The following MCTP1 variants were observed in gnomAD, a reference collection of about 807,000 sequenced individuals.
MCTP1 encodes the protein multiple C2 and transmembrane domain containing 1.
A neutral mutation model predicts 120.6 loss-of-function variants in MCTP1; 69 were observed. The ratio of observed to expected loss-of-function variants is 0.57; its 90% confidence interval spans 0.47 to 0.70. The LOEUF is 0.70. Ranked by LOEUF, MCTP1 falls within the 30% of genes least tolerant of loss-of-function variation. MCTP1 has a pLI of 0.00. For missense variants in MCTP1, 1,203 were observed against 1,248.8 expected, an observed-to-expected ratio of 0.96 and a Z score of 0.55; for synonymous variants, 529 against 493.1, an observed-to-expected ratio of 1.07 and a Z score of -0.96.
chr5:94,752,790 A>G (rs1014873135), intron 19 of MCTP1, among the ~76,000 whole-genome samples: 6 of 152,248 alleles, frequency 3.9e-5, no homozygotes, highest in Non-Finnish European at 8.8e-5. Flanking sequence ...CATAGTACTT[A>G]TCATCCAAAC....
intron 1 of MCTP1, among the ~76,000 whole-genome samples, chr5:95,105,078 TGC>T (rs1756991630): frequency 6.6e-6 from 1 of 152,186 alleles, no homozygotes; most frequent in African/African-American, 2.4e-5. Flanking sequence ...ATCCATAGCA[TGC>T]TGTATATATT....
At chr5:94,849,961 GAAGT>G (rs1242827105) in intron 17 of MCTP1, among the ~76,000 whole-genome samples, 3 of 152,136 alleles carry the variant, frequency 2.0e-5, no homozygotes, top group Non-Finnish European at 4.4e-5. Flanking sequence ...ATTCTTCACA[GAAGT>G]AAGATTAAAT....
At chr5:95,237,224 T>C (rs1755644012) in intron 1 of MCTP1, among the ~76,000 whole-genome samples, 1 of 152,144 alleles carries the variant, frequency 6.6e-6, no homozygotes, top group Admixed American at 6.6e-5. Flanking sequence ...TAGTGTGTGC[T>C]ACTACTCAGC....
chr5:94,843,447 G>A (rs972497615), intron 17 of MCTP1, among the ~76,000 whole-genome samples: 2 of 152,184 alleles, frequency 1.3e-5, no homozygotes, highest in African/African-American at 2.4e-5. Context: ...TAGGCGATTT[G>A]TCTGCTAACT....
chr5:95,123,158 G>A (rs1285294602), intron 1 of MCTP1, among the ~76,000 whole-genome samples: 2 of 152,122 alleles, frequency 1.3e-5, no homozygotes, highest in Admixed American at 6.5e-5. Flanking sequence ...AATGCTTGAG[G>A]TGATGAATAC....
chr5:94,710,193 G>A (rs1756353994), intron 21 of MCTP1: 1 of 152,102 alleles, frequency 6.6e-6, no homozygotes. Flanking sequence ...TGCTGCAACT[G>A]ACAGTCTCCT....
chr5:94,889,102 T>C (rs959898906), intron 11 of MCTP1, 130 bp from the exon 12 acceptor site: 17 of 564,604 alleles, frequency 3.0e-5, no homozygotes. Context: ...TTAAACTAAC[T>C]AATTTTTTTT....
At chr5:95,106,564 G>T (rs1030121773) in intron 1 of MCTP1, among the ~76,000 whole-genome samples, 1 of 152,160 alleles carries the variant, frequency 6.6e-6, no homozygotes, top group Non-Finnish European at 1.5e-5. Flanking sequence ...GGTTTGTACT[G>T]GTCATTCTAT....
At chr5:94,972,819 T>A (rs1339886561) in intron 2 of MCTP1, among the ~76,000 whole-genome samples, 2 of 152,090 alleles carry the variant, frequency 1.3e-5, no homozygotes, top group African/African-American at 4.8e-5. Flanking sequence ...GTGAGTCCCA[T>A]TCAATTCAGT....
intron 17 of MCTP1, among the ~76,000 whole-genome samples, chr5:94,858,833 A>C (rs999241077): frequency 1.3e-5 from 2 of 151,680 alleles, no homozygotes; most frequent in African/African-American, 4.8e-5. Flanking sequence ...AGGAAGGTGC[A>C]CTATCCTGAA....
intron 1 of MCTP1, among the ~76,000 whole-genome samples, chr5:95,209,163 G>T (rs978733686): frequency 6.6e-6 from 1 of 152,128 alleles, no homozygotes; most frequent in African/African-American, 2.4e-5. Context: ...CAACATTCTT[G>T]ACTTTGGCTA....
intron 19 of MCTP1, among the ~76,000 whole-genome samples, chr5:94,719,397 T>A (rs927254167): frequency 3.3e-5 from 5 of 152,134 alleles, no homozygotes; most frequent in Non-Finnish European, 7.4e-5. Flanking sequence ...AGCAAAGACA[T>A]GGAATCAACC....
rs141468180 is a variant in MCTP1, at chr5:95,267,161, C to T, written c.720+16695G>A. 3.7e-3 allele frequency among the ~76,000 whole-genome samples: 562 copies of T among 152,300 alleles called. 4 individuals are homozygous for T. In the South Asian group the frequency reaches 0.037, roughly 10 times the overall value. ...TTTACCATGCTTTAGATCTGTTCAA[C>T]GGAAAGTCTTCCTAATTAACCCATG... is the stretch of plus-strand genomic sequence containing the variant. On this transcript the variant is annotated intron_variant, in intron 1 of 22. Transcript: ENST00000515393.
intron 10 of MCTP1, among the ~76,000 whole-genome samples, chr5:94,897,572 C>T (rs538776042): frequency 1.3e-5 from 2 of 152,240 alleles, no homozygotes; most frequent in East Asian, 3.9e-4. Context: ...ACCATGTTGA[C>T]CATGCTAGTC....
intron 19 of MCTP1, among the ~76,000 whole-genome samples, chr5:94,730,398 G>A (rs745839950): frequency 1.3e-5 from 2 of 152,160 alleles, no homozygotes; most frequent in Non-Finnish European, 2.9e-5. Context: ...CAATCCTCCT[G>A]CCTTGGCCTC....
intron 1 of MCTP1, among the ~76,000 whole-genome samples, chr5:95,107,135 G>A (rs1757141453): frequency 6.6e-6 from 1 of 152,066 alleles, no homozygotes; most frequent in Non-Finnish European, 1.5e-5. Context: ...TGAAACTTGG[G>A]TACATAATAA....
chr5:95,147,890 T>C (rs985572985), intron 1 of MCTP1, among the ~76,000 whole-genome samples: 6 of 152,228 alleles, frequency 3.9e-5, no homozygotes, highest in Non-Finnish European at 8.8e-5. Flanking sequence ...GTAAGGTTCA[T>C]CTGGTGGTAA....
chr5:94,809,067 A>G lies in MCTP1; in HGVS notation c.2437-9935T>C, dbSNP rs557782021. On this transcript the variant is annotated intron_variant, in intron 17 of 22. Transcript: ENST00000515393. The stretch of plus-strand genomic sequence containing the variant: ...ACAACTAGATAGGACTCATTTGAAG[A>G]TGTGCTACATACAAGCCACAAAAGC... Among the ~76,000 whole-genome samples, 4 of 152,174 alleles carry G rather than the reference A, an allele frequency of 2.6e-5. No individual in the cohort carries two copies. The South Asian group carries it at 8.3e-4, about 32-fold the overall frequency.
chr5:95,104,523 T>C (rs1432715981), intron 1 of MCTP1, among the ~76,000 whole-genome samples: 1 of 152,212 alleles, frequency 6.6e-6, no homozygotes, highest in East Asian at 1.9e-4. Context: ...GCATGATTAC[T>C]GACCACCTCT....
Sources: gnomAD v4.1 joint callset for allele counts (sites outside exome capture counted in the v4.1 genomes callset) on GRCh38, gnomAD v4.1.1 for gene constraint, MANE v1.5 for transcripts, NCBI Gene and HGNC (gene_info 2026-07-23, HGNC 2026-07-21) for gene names.